The following HIBCH variants were observed in gnomAD, a reference collection of about 807,000 sequenced individuals.
HIBCH encodes the protein 3-hydroxyisobutyryl-CoA hydrolase.
HIBCH carries 50 observed loss-of-function variants against 58.2 expected under a neutral mutation model. The ratio of observed to expected loss-of-function variants is 0.86; its 90% CI spans 0.68 to 1.09. HIBCH has a LOEUF of 1.09. Ranked by LOEUF, HIBCH falls within the 50% of genes least tolerant of loss-of-function variation. The probability of loss-of-function intolerance (pLI) is 0.00; values close to 1 mark genes in which losing one functional copy is unlikely to be tolerated. For synonymous variants in HIBCH, 151 were observed against 146.9 expected, an observed-to-expected ratio of 1.03 and a Z score of -0.20; for missense variants, 450 against 449.7, an observed-to-expected ratio of 1.00 and a Z score of -0.01.
rs142989891 is a variant in HIBCH at position 190,206,420 on chromosome 2, CCTT to C, written c.1046-1191_1046-1189del. On this transcript the variant is annotated intron_variant, in intron 13 of 13. Coordinates refer to ENST00000359678, the MANE Select transcript of HIBCH (RefSeq NM_014362.4). The surrounding 1 kb of genome is among the most constrained non-coding windows in gnomAD (Gnocchi z 5.1). ...GTCTTCTGGTCAATACTACCTGTCT[CCTT>C]GAGATCCCACTGAAGGACAAGAGCA... Among the ~76,000 whole-genome samples, 158 of 152,296 alleles carry C rather than the reference CCTT, an allele frequency of 1.0e-3. 2 individuals carry two copies. The East Asian group carries it at 0.025, about 25-fold the overall frequency.
chr2:190,307,317 T>C (rs1688439187), intron 2 of HIBCH, among the ~76,000 whole-genome samples: 1 of 152,172 alleles, frequency 6.6e-6, no homozygotes, highest in African/African-American at 2.4e-5. Context: ...AAATAGAAGT[T>C]TTCTCCATAT....
intron 6 of HIBCH, among the ~76,000 whole-genome samples, chr2:190,285,691 G>A (rs1687811615): frequency 6.6e-6 from 1 of 151,920 alleles, no homozygotes; most frequent in Non-Finnish European, 1.5e-5. Flanking sequence ...ACCTACCTGG[G>A]CCCTACCTAC....
intron 11 of HIBCH, 159 bp from the exon 12 acceptor site, chr2:190,213,234 C>A: frequency 1.6e-6 from 1 of 611,906 alleles, no homozygotes; most frequent in Non-Finnish European, 2.8e-6. Context: ...CAAAACTTTT[C>A]TAATCTGCTA....
chr2:190,301,563 T>C (rs902425631), intron 2 of HIBCH, among the ~76,000 whole-genome samples: 2 of 152,166 alleles, frequency 1.3e-5, no homozygotes, highest in African/African-American at 2.4e-5. Context: ...TCTGCATGTA[T>C]TGGGGTGGTG....
intron 2 of HIBCH, among the ~76,000 whole-genome samples, 157 bp downstream of exon 2, chr2:190,310,597 T>C (rs995447297): frequency 1.3e-5 from 2 of 152,210 alleles, no homozygotes; most frequent in Admixed American, 1.3e-4. Flanking sequence ...TGCCACCTCC[T>C]ACAAGGTGCG....
intron 6 of HIBCH, among the ~76,000 whole-genome samples, chr2:190,270,618 T>C (rs1416600658): frequency 6.6e-6 from 1 of 152,210 alleles, no homozygotes; most frequent in Admixed American, 6.5e-5. Flanking sequence ...TCAGGATAAA[T>C]GATGCTTTGA....
rs1270224172 is a variant in HIBCH, at chr2:190,207,080, C to A, written c.1045+1800G>T. On this transcript the variant is annotated intron_variant, in intron 13 of 13. Transcript: ENST00000359678. This position sits in a 1 kb window ranked among gnomAD's most constrained non-coding sequence, Gnocchi z 4.5. ...GAGTTTGCAGTGAGCCGAGATTTTG[C>A]CACTGCTCTCCAGCCTGGGTGACAG... 6.6e-6 allele frequency among the ~76,000 whole-genome samples: 1 copy of A among 152,102 alleles called. No homozygotes were observed. Among genetic ancestry groups the A allele is most frequent in the Admixed American group, 6.5e-5 (1 of 15,270 alleles).
chr2:190,219,863 T>G (rs1270053604), intron 11 of HIBCH, among the ~76,000 whole-genome samples: 2 of 152,174 alleles, frequency 1.3e-5, no homozygotes, highest in Non-Finnish European at 2.9e-5. Context: ...TCTGTGGGTT[T>G]GGATGGACAG....
At chr2:190,258,746 T>A (rs771013417) in intron 7 of HIBCH, among the ~76,000 whole-genome samples, 11 of 152,240 alleles carry the variant, frequency 7.2e-5, no homozygotes, top group Admixed American at 1.3e-4. Context: ...GGTTTTGCAG[T>A]TTCAGGTTGT....
intron 11 of HIBCH, among the ~76,000 whole-genome samples, chr2:190,221,692 C>A (rs1685724416): frequency 6.6e-6 from 1 of 152,220 alleles, no homozygotes; most frequent in African/African-American, 2.4e-5. Context: ...CTGCCCCACC[C>A]CCCATCCAGT....
chr2:190,195,108 C>T lies in HIBCH; in HGVS notation c.*18-5111G>A, dbSNP rs566352155. On this transcript the variant is annotated intron_variant, in intron 1 of 1. Coordinates refer to the HIBCH transcript ENST00000399855. The stretch of plus-strand genomic sequence containing the variant: ...TGAACTCCTGGGCTCAAATGATACT[C>T]GCCTCAGCCTCCCAAAGTGCTGGGA... Among the ~76,000 whole-genome samples the T allele has an allele frequency of 7.9e-5, 12 of 152,240 alleles. No individual in the cohort carries two copies. The South Asian group carries it at 1.0e-3, about 13-fold the overall frequency.
At chr2:190,194,514 ACACACG>A (rs1228418886) in intron 1 of HIBCH, among the ~76,000 whole-genome samples, 3 of 149,708 alleles carry the variant, frequency 2.0e-5, no homozygotes, top group Non-Finnish European at 3.0e-5. Context: ...ACACACACAC[ACACACG>A]CAGCATCTCC....
At chr2:190,316,214 T>C (rs925061063) in intron 1 of HIBCH, among the ~76,000 whole-genome samples, 1 of 152,178 alleles carries the variant, frequency 6.6e-6, no homozygotes, top group Non-Finnish European at 1.5e-5. Flanking sequence ...GTATGATACA[T>C]GGGCTCAAAT....
In HIBCH at chr2:190,252,326, A is replaced by C. The variant is rs1472979656; in HGVS notation, c.518-19T>G. ...AACAGTCCTGTAATTAAATGTAACA[A>C]AAAGAGATAATGGTGATTCAAATGA... On this transcript the variant is annotated intron_variant, in intron 7 of 13. Coordinates refer to ENST00000359678, the MANE Select transcript of HIBCH (RefSeq NM_014362.4). 1 of 1,604,196 alleles carries C rather than the reference A, an allele frequency of 6.2e-7. No individual in the cohort carries two copies. Among genetic ancestry groups the C allele is most frequent in the South Asian group, 1.1e-5 (1 of 90,804 alleles).
intron 2 of HIBCH, among the ~76,000 whole-genome samples, chr2:190,307,085 T>C (rs1025326657): frequency 6.6e-6 from 1 of 152,162 alleles, no homozygotes; most frequent in Non-Finnish European, 1.5e-5. Flanking sequence ...TAAAACACTA[T>C]CATCTACTAT....
In HIBCH at chr2:190,206,280, G is replaced by T. The variant is rs897241673; in HGVS notation, c.1046-1048C>A. Among the ~76,000 whole-genome samples the T allele has an allele frequency of 1.3e-5, 2 of 152,032 alleles. No individual in the cohort carries two copies. The highest frequency in any genetic ancestry group is 4.8e-5 in the African/African-American group (2 of 41,402). On this transcript the variant is annotated intron_variant, in intron 13 of 13. Transcript: ENST00000359678. The surrounding 1 kb of genome is among the most constrained non-coding windows in gnomAD (Gnocchi z 5.1). ...GAGATTCTGGTATCAGATCAGTGGC[G>T]ATATTAAATACTGATGTTCTGATCC...
chr2:190,290,831 G>C (rs984405690), intron 4 of HIBCH, among the ~76,000 whole-genome samples: 12 of 152,088 alleles, frequency 7.9e-5, no homozygotes, highest in Non-Finnish European at 1.8e-4. Context: ...GACCAGCCTG[G>C]TGAAACTCTG....
intron 2 of HIBCH, among the ~76,000 whole-genome samples, chr2:190,307,164 A>G (rs1220503878): frequency 6.6e-6 from 1 of 152,208 alleles, no homozygotes; most frequent in Non-Finnish European, 1.5e-5. Flanking sequence ...AGGACTATTA[A>G]TAATTCTAGG....
At chr2:190,267,605 T>C (rs2105960174) in intron 6 of HIBCH, among the ~76,000 whole-genome samples, 1 of 152,368 alleles carries the variant, frequency 6.6e-6, no homozygotes, top group Admixed American at 6.5e-5. Flanking sequence ...TGCCATATTG[T>C]TCACTATGGA....
Sources: gnomAD v4.1 joint callset for allele counts (sites outside exome capture counted in the v4.1 genomes callset) on GRCh38, gnomAD v4.1.1 for gene constraint, Gnocchi (gnomAD v3.1) non-coding constraint, MANE v1.5 for transcripts, NCBI Gene and HGNC (gene_info 2026-07-23, HGNC 2026-07-21) for gene names.